EBF1: variants seen among roughly 807,000 people sequenced by gnomAD.
EBF1 encodes transcription factor COE1.
A neutral mutation model predicts 68.4 loss-of-function variants in EBF1; 10 were observed. That is an observed-to-expected ratio of 0.15 (90% CI 0.09 to 0.25). The LOEUF (loss-of-function observed/expected upper bound fraction) is 0.25, where lower values mean the gene tolerates loss of function less well. Among genes scored for constraint, EBF1 ranks in the 10% least tolerant of loss-of-function variants. The probability of loss-of-function intolerance (pLI) is 1.00; values close to 1 mark genes in which losing one functional copy is unlikely to be tolerated. For missense variants in EBF1, 509 were observed against 794.4 expected (o/e 0.64, Z 4.32); for synonymous variants, 298 against 299.8 (o/e 0.99, Z 0.06).
chr5:158,731,019 A>G, intron 11 of EBF1, 50 bp downstream of exon 11: 1 of 1,557,910 alleles, frequency 6.4e-7, no homozygotes, highest in South Asian at 1.2e-5. Flanking sequence ...GTTTTCTGCA[A>G]ATCGCTCAAG....
intron 10 of EBF1, among the ~76,000 whole-genome samples, chr5:158,774,764 T>A (rs1199209570): frequency 6.6e-6 from 1 of 152,090 alleles, no homozygotes; most frequent in East Asian, 1.9e-4. Context: ...GCCCCAGCCA[T>A]GAACAAGCAA....
intron 6 of EBF1, among the ~76,000 whole-genome samples, chr5:158,919,505 A>C (rs892317373): frequency 1.3e-5 from 2 of 152,192 alleles, no homozygotes; most frequent in Non-Finnish European, 2.9e-5. Context: ...GAAAAAGCAG[A>C]TCTCCCTTCA....
chr5:158,699,064 A>G lies in EBF1; in HGVS notation c.*47T>C, dbSNP rs577979964. 1 of 1,566,022 alleles carries G rather than the reference A, an allele frequency of 6.4e-7. No individual in the cohort carries two copies. Among genetic ancestry groups the G allele is most frequent in the Non-Finnish European group, 8.7e-7 (1 of 1,154,188 alleles). ...GGACTTGTATCAGATTACTCTCTGT[A>G]GCAGAATCCAACCTCTTCATTAATA... On this transcript the variant is annotated 3_prime_UTR_variant, in exon 16 of 16. Transcript: ENST00000313708.
intron 6 of EBF1, among the ~76,000 whole-genome samples, chr5:158,949,143 T>G (rs973134992): frequency 6.6e-6 from 1 of 152,244 alleles, no homozygotes; most frequent in Non-Finnish European, 1.5e-5. Context: ...TTATACCTTT[T>G]CCTGTTCTCC....
chr5:159,066,854 T>A (rs1013467030), intron 6 of EBF1, among the ~76,000 whole-genome samples: 2 of 152,142 alleles, frequency 1.3e-5, no homozygotes, highest in African/African-American at 4.8e-5. Context: ...CATATTTCAT[T>A]GATTGCAATA....
intron 6 of EBF1, among the ~76,000 whole-genome samples, chr5:159,005,291 T>C (rs971369911): frequency 6.6e-6 from 1 of 152,220 alleles, no homozygotes; most frequent in African/African-American, 2.4e-5. Flanking sequence ...CAACTCACAG[T>C]AGTTCACAAA....
rs576386216 is a variant in EBF1 at position 159,002,567 on chromosome 5, T to G, written c.554+70829A>C. Among the ~76,000 whole-genome samples, 3 of 152,350 alleles carry G rather than the reference T, an allele frequency of 2.0e-5. No homozygotes were observed. The South Asian group carries it at 6.2e-4, about 32-fold the overall frequency. ...AATTATTTCCTATTTTCCAGGCTTATGTTTAAAAATCCATAGGGCATTCAT... is the reference window on the plus strand; with the variant it reads ...AATTATTTCCTATTTTCCAGGCTTAGGTTTAAAAATCCATAGGGCATTCAT... On this transcript the variant is annotated intron_variant, in intron 6 of 15. Transcript: ENST00000313708.
At chr5:159,057,641 T>A (rs1775020980) in intron 6 of EBF1, among the ~76,000 whole-genome samples, 1 of 152,164 alleles carries the variant, frequency 6.6e-6, no homozygotes, top group Non-Finnish European at 1.5e-5. Context: ...TGGCTTATGG[T>A]CCTGGCTCTG....
chr5:158,775,552 C>T (rs1392330759), intron 10 of EBF1, among the ~76,000 whole-genome samples: 3 of 151,874 alleles, frequency 2.0e-5, no homozygotes, highest in East Asian at 1.9e-4. Flanking sequence ...CTAATGTTTT[C>T]GGCCAAAAAC....
intron 6 of EBF1, among the ~76,000 whole-genome samples, chr5:158,971,657 AC>A (rs1271995433): frequency 6.6e-6 from 1 of 152,168 alleles, no homozygotes; most frequent in Non-Finnish European, 1.5e-5. Context: ...CAAGGAGATG[AC>A]CAAAAGACCA....
intron 6 of EBF1, among the ~76,000 whole-genome samples, chr5:158,916,853 C>T (rs1807306328): frequency 2.0e-5 from 3 of 152,184 alleles, no homozygotes; most frequent in Admixed American, 6.5e-5. Context: ...AGCGGGTATA[C>T]ATTTGGAGCC....
intron 9 of EBF1, among the ~76,000 whole-genome samples, chr5:158,780,857 C>G (rs1389188244): frequency 1.3e-5 from 2 of 152,176 alleles, no homozygotes; most frequent in East Asian, 3.9e-4. Context: ...TGTGTCAAAT[C>G]TAAAAATGTC....
At chr5:158,774,509 C>T (rs939807169) in intron 10 of EBF1, among the ~76,000 whole-genome samples, 1 of 152,044 alleles carries the variant, frequency 6.6e-6, no homozygotes, top group African/African-American at 2.4e-5. Flanking sequence ...TGATATTTCA[C>T]TAACAAATAA....
At chr5:159,026,952 T>C (rs1050252173) in intron 6 of EBF1, among the ~76,000 whole-genome samples, 12 of 152,286 alleles carry the variant, frequency 7.9e-5, no homozygotes, top group Admixed American at 7.8e-4. Context: ...GAAGAGGAGA[T>C]ACAATCTATT....
At chr5:159,013,094 C>T (rs1270165302) in intron 6 of EBF1, among the ~76,000 whole-genome samples, 2 of 152,212 alleles carry the variant, frequency 1.3e-5, no homozygotes, top group Non-Finnish European at 2.9e-5. Flanking sequence ...TATGGCAGCC[C>T]TGGCAAACCA....
chr5:159,095,723 G>T (rs1378757249), intron 3 of EBF1, 48 bp from the exon 4 acceptor site: 2 of 1,596,358 alleles, frequency 1.3e-6, no homozygotes, highest in East Asian at 2.2e-5. Context: ...GAGAGGTTAC[G>T]GAGGGTGGGT....
chr5:158,715,299 T>C (rs1055520735), intron 11 of EBF1, among the ~76,000 whole-genome samples: 7 of 152,192 alleles, frequency 4.6e-5, no homozygotes, highest in African/African-American at 1.7e-4. Flanking sequence ...GCTGTTCAAT[T>C]TTCACAGACT....
At chr5:158,923,118 C>G (rs75677493) in intron 6 of EBF1, among the ~76,000 whole-genome samples, 7,977 of 152,294 alleles carry the variant, frequency 0.052, 302 homozygotes, top group Non-Finnish European at 0.082. Context: ...GAGCGTTAGC[C>G]TCTTCATCAA....
chr5:158,834,337 C>T (rs1788248828), intron 7 of EBF1, among the ~76,000 whole-genome samples: 1 of 152,122 alleles, frequency 6.6e-6, no homozygotes, highest in African/African-American at 2.4e-5. Flanking sequence ...AAGTGAATTT[C>T]TCCCTGTGTC....
Sources: gnomAD v4.1 joint callset for allele counts (sites outside exome capture counted in the v4.1 genomes callset) on GRCh38, gnomAD v4.1.1 for gene constraint, MANE v1.5 for transcripts, NCBI Gene and HGNC (gene_info 2026-07-23, HGNC 2026-07-21) for gene names.